The following TBC1D5 variants were observed in gnomAD, a reference collection of about 807,000 sequenced individuals.
TBC1D5 encodes TBC1 domain family, member 5.
In TBC1D5, 75 loss-of-function variants were observed where a neutral mutation model predicts 100.3. That is an observed-to-expected ratio of 0.75 (90% CI 0.62 to 0.91). The LOEUF (loss-of-function observed/expected upper bound fraction) is 0.91. Ranked by LOEUF, TBC1D5 falls within the 40% of genes least tolerant of loss-of-function variation. TBC1D5 has a pLI of 0.00. For synonymous variants in TBC1D5, 323 were observed against 325.6 expected (o/e 0.99, Z 0.09); for missense variants, 910 against 942.4 (o/e 0.97, Z 0.45).
At chr3:17,497,092 A>T (rs1163746654) in intron 3 of TBC1D5, among the ~76,000 whole-genome samples, 3 of 25,462 alleles carry the variant, frequency 1.2e-4, no homozygotes, top group East Asian at 1.1e-3. Context: ...TCTCTGACAC[A>T]CACACACACA....
chr3:17,286,706 T>C (rs1392837881), intron 15 of TBC1D5, among the ~76,000 whole-genome samples: 1 of 152,210 alleles, frequency 6.6e-6, no homozygotes, highest in Non-Finnish European at 1.5e-5. Flanking sequence ...GGCAGTTTCA[T>C]TTATTACAGA....
At chr3:17,298,791 C>T (rs1056736098) in intron 14 of TBC1D5, among the ~76,000 whole-genome samples, 5 of 152,296 alleles carry the variant, frequency 3.3e-5, no homozygotes, top group African/African-American at 9.6e-5. Flanking sequence ...AGGATACAGA[C>T]TTCATTCATC....
At chr3:17,474,796 T>C (rs1576224727) in intron 3 of TBC1D5, among the ~76,000 whole-genome samples, 1 of 152,220 alleles carries the variant, frequency 6.6e-6, no homozygotes. Context: ...TTAAGACTTA[T>C]GATATACATT....
chr3:17,524,737 G>A (rs1439442188), intron 2 of TBC1D5: 2 of 152,142 alleles, frequency 1.3e-5, no homozygotes, highest in African/African-American at 4.8e-5. Flanking sequence ...AGTGACAGGA[G>A]CCTGTAATCC....
chr3:17,598,045 C>G (rs375032422), intron 2 of TBC1D5, among the ~76,000 whole-genome samples: 2 of 141,108 alleles, frequency 1.4e-5, no homozygotes, highest in African/African-American at 5.2e-5. Flanking sequence ...TCTAAATGGG[C>G]CAAAAGAGGC....
chr3:17,290,597 A>G (rs1443110976), intron 15 of TBC1D5, among the ~76,000 whole-genome samples: 1 of 152,216 alleles, frequency 6.6e-6, no homozygotes, highest in Non-Finnish European at 1.5e-5. Context: ...ATCAAAACTC[A>G]TACCTCATTG....
intron 2 of TBC1D5, among the ~76,000 whole-genome samples, chr3:17,583,453 C>T (rs918630117): frequency 4.0e-5 from 6 of 151,722 alleles, no homozygotes; most frequent in Admixed American, 2.0e-4. Context: ...CGGCTGGGTG[C>T]GATGGCTCAT....
At chr3:17,668,791 C>T (rs918554168) in intron 1 of TBC1D5, among the ~76,000 whole-genome samples, 6 of 152,016 alleles carry the variant, frequency 3.9e-5, no homozygotes, top group African/African-American at 9.7e-5. Context: ...TGTCAATGCT[C>T]CCCAGCTGCC....
intron 1 of TBC1D5, among the ~76,000 whole-genome samples, chr3:17,651,051 T>C (rs2065499274): frequency 6.6e-6 from 1 of 152,248 alleles, no homozygotes; most frequent in African/African-American, 2.4e-5. Context: ...ATCATTTTCC[T>C]GGAAAAGAAA....
At chr3:17,372,104 T>C in exon 13 of TBC1D5, 1 of 1,612,342 alleles carries the variant, frequency 6.2e-7, no homozygotes, top group Non-Finnish European at 8.5e-7. Flanking sequence ...CAATTTCTAG[T>C]CTGTTCAAGT....
At chr3:17,430,031 T>C (rs976012106) in intron 3 of TBC1D5, among the ~76,000 whole-genome samples, 18 of 151,950 alleles carry the variant, frequency 1.2e-4, no homozygotes, top group African/African-American at 4.1e-4. Context: ...TTAACCTAGC[T>C]AGGTATAAGT....
intron 16 of TBC1D5, among the ~76,000 whole-genome samples, chr3:17,253,931 T>G (rs778477911): frequency 6.6e-6 from 1 of 152,228 alleles, no homozygotes; most frequent in Non-Finnish European, 1.5e-5. Context: ...GGCTGACTTT[T>G]CATATATGCA....
chr3:17,233,053 T>C (rs540744628), intron 17 of TBC1D5, among the ~76,000 whole-genome samples: 1 of 152,286 alleles, frequency 6.6e-6, no homozygotes, highest in South Asian at 2.1e-4. Flanking sequence ...TAAAATTGCA[T>C]AGGAGGTAGA....
intron 1 of TBC1D5, among the ~76,000 whole-genome samples, chr3:17,698,107 A>G (rs898366608): frequency 1.3e-5 from 2 of 152,044 alleles, no homozygotes; most frequent in South Asian, 2.1e-4. Context: ...CCAAAAGAAC[A>G]AAGCTGGAGG....
intron 15 of TBC1D5, among the ~76,000 whole-genome samples, chr3:17,285,310 G>GATCC (rs2081064617): frequency 7.2e-6 from 1 of 138,766 alleles, no homozygotes; most frequent in Non-Finnish European, 1.5e-5. Flanking sequence ...GCCCAGGCTG[G>GATCC]AGTGCAGTGG....
At chr3:17,585,079 C>T (rs1307640861) in intron 2 of TBC1D5, among the ~76,000 whole-genome samples, 1 of 152,196 alleles carries the variant, frequency 6.6e-6, no homozygotes, top group Non-Finnish European at 1.5e-5. Flanking sequence ...GTGTGACCCA[C>T]CATGCCCAAC....
chr3:17,539,211 A>G (rs1473674687), intron 2 of TBC1D5, among the ~76,000 whole-genome samples: 1 of 152,188 alleles, frequency 6.6e-6, no homozygotes, highest in Non-Finnish European at 1.5e-5. Flanking sequence ...AACACCTGAA[A>G]TTCCATGTAA....
chr3:17,683,612 G>T (rs147584035), intron 1 of TBC1D5, among the ~76,000 whole-genome samples: 1 of 152,054 alleles, frequency 6.6e-6, no homozygotes, highest in African/African-American at 2.4e-5. Flanking sequence ...TAAAAACTAC[G>T]GAGTACTATC....
At chr3:17,324,733 C>G (rs2085874139) in intron 13 of TBC1D5, among the ~76,000 whole-genome samples, 1 of 151,948 alleles carries the variant, frequency 6.6e-6, no homozygotes, top group South Asian at 2.1e-4. Context: ...CTTGAATATA[C>G]AAAGATCTCT....
Sources: gnomAD v4.1 joint callset for allele counts (sites outside exome capture counted in the v4.1 genomes callset) on GRCh38, gnomAD v4.1.1 for gene constraint, MANE v1.5 for transcripts, NCBI Gene and HGNC (gene_info 2026-07-23, HGNC 2026-07-21) for gene names.